IQCH: variants seen among roughly 807,000 people sequenced by gnomAD.
The protein encoded by IQCH is IQ motif containing H, also known as IQ domain-containing protein H.
In IQCH, 98 loss-of-function variants were observed where a neutral mutation model predicts 117.0. That is an observed-to-expected ratio of 0.84 (90% confidence interval 0.71 to 0.99). The LOEUF is 0.99. IQCH is among the 50% of genes least tolerant of loss of function. The probability of loss-of-function intolerance (pLI) is 0.00; values close to 1 mark genes in which losing one functional copy is unlikely to be tolerated. For missense variants in IQCH, 1,102 were observed against 1,243.8 expected, an observed-to-expected ratio of 0.89 and a Z score of 1.72; for synonymous variants, 412 against 448.2, an observed-to-expected ratio of 0.92 and a Z score of 1.02.
chr15:67,424,115 G>A lies in IQCH; in HGVS notation c.2505+2538G>A, dbSNP rs138909096. ...CCACCCTTCACTTGGCTGGTTCCAT[G>A]TACCTGGCCAGTCTTGTCTCACCCT... On this transcript the variant is annotated intron_variant, in intron 16 of 20. Transcript: ENST00000335894. The surrounding 1 kb of genome is among the most constrained non-coding windows in gnomAD (Gnocchi z 4.9). Among the ~76,000 whole-genome samples, 2 of 152,290 alleles carry A rather than the reference G, an allele frequency of 1.3e-5. No homozygotes were observed. The highest frequency in any genetic ancestry group is 2.4e-5 in the African/African-American group (1 of 41,548).
chr15:67,459,155 G>T lies in IQCH; in HGVS notation c.2506-5972G>T, dbSNP rs1358020878. Reference sequence around the variant, plus strand: ...CTGATACCAAAAGCTGGGGCCTTTAGTGGGTCATTTATCCTGTCTGAAATC... The same window carrying T: ...CTGATACCAAAAGCTGGGGCCTTTATTGGGTCATTTATCCTGTCTGAAATC... On this transcript the variant is annotated intron_variant, in intron 16 of 20. Transcript: ENST00000335894. This position sits in a 1 kb window ranked among gnomAD's most constrained non-coding sequence, Gnocchi z 4.2. Among the ~76,000 whole-genome samples, 3 of 152,170 alleles carry T rather than the reference G, an allele frequency of 2.0e-5. No individual in the cohort carries two copies. The highest frequency in any genetic ancestry group is 7.2e-5 in the African/African-American group (3 of 41,446).
chr15:67,421,906 G>A (rs1461832899), intron 16 of IQCH, among the ~76,000 whole-genome samples: 2 of 152,082 alleles, frequency 1.3e-5, no homozygotes, highest in Admixed American at 6.6e-5. Flanking sequence ...CAAGAGCAGC[G>A]TAGGCAACAT....
Position 67,395,420 on chromosome 15 carries a change from G to T in IQCH, c.1762G>T (p.Ala588Ser), listed in dbSNP as rs1468992867. 1 of 1,613,952 alleles carries T rather than the reference G, an allele frequency of 6.2e-7. No individual in the cohort carries two copies. Among genetic ancestry groups the T allele is most frequent in the African/African-American group, 1.3e-5 (1 of 74,904 alleles). The change falls in exon 13 of 21, where the codon GCC becomes TCC. Residue 588 changes from alanine to serine, a missense_variant. This residue lies in a region of IQCH where 650 missense variants were observed against 794.3 expected (regional missense o/e 0.82). Coordinates refer to ENST00000335894, the MANE Select transcript of IQCH (RefSeq NM_001031715.3). This position sits in a 1 kb window ranked among gnomAD's most constrained non-coding sequence, Gnocchi z 4.0. Reference protein sequence around the residue: ...GLLHRDDLAVADMLDIPILGS... With the variant: ...GLLHRDDLAVSDMLDIPILGS... Reference sequence around the variant, plus strand: ...CCTCCACAGAGATGATTTAGCTGTGGCCGATATGTTAGACATACCCATCCT... The same window carrying T: ...CCTCCACAGAGATGATTTAGCTGTGTCCGATATGTTAGACATACCCATCCT...
At chr15:67,446,776 T>A (rs2140980119) in intron 16 of IQCH, among the ~76,000 whole-genome samples, 1 of 152,340 alleles carries the variant, frequency 6.6e-6, no homozygotes, top group East Asian at 1.9e-4. Flanking sequence ...ACTGAAGGAC[T>A]GTATTTCTTT....
Position 67,344,104 on chromosome 15 carries a change from G to A in IQCH, c.550G>A (p.Ala184Thr), listed in dbSNP as rs200120948. The change falls in exon 6 of 21, where the codon GCA (alanine) becomes ACA (threonine). Residue 184 changes from alanine (A) to threonine (T), a missense_variant. By Grantham distance (58) the Ala-to-Thr change is moderately conservative (BLOSUM62 0). Transcript: ENST00000335894. ...AGAACGAGGGCTGATTCCACCAACA[G>A]CAAGGATTACCTTTCAGAATCCACC... ...MIERGLIPPT[A>T]RITFQNPPIT... is the part of the protein sequence containing the mutation. 1.9e-6 allele frequency: 3 copies of A among 1,613,162 alleles called. No individual in the cohort carries two copies. Among genetic ancestry groups the A allele is most frequent in the Non-Finnish European group, 2.5e-6 (3 of 1,179,280 alleles).
intron 4 of IQCH, among the ~76,000 whole-genome samples, chr15:67,301,133 A>C (rs1468462648): frequency 6.6e-6 from 1 of 152,106 alleles, no homozygotes; most frequent in Non-Finnish European, 1.5e-5. Flanking sequence ...ATTTACTAAA[A>C]ATTTCTGAAG....
At chr15:67,312,114 C>G (rs940970002) in intron 4 of IQCH, among the ~76,000 whole-genome samples, 1 of 152,110 alleles carries the variant, frequency 6.6e-6, no homozygotes, top group Non-Finnish European at 1.5e-5. Context: ...TTTCTAACCT[C>G]AAAATTAATT....
At chr15:67,276,741 A>T (rs1274781678) in intron 3 of IQCH, among the ~76,000 whole-genome samples, 1 of 152,012 alleles carries the variant, frequency 6.6e-6, no homozygotes, top group Non-Finnish European at 1.5e-5. Context: ...GGCTTCTTGC[A>T]AGATTTTCTC....
chr15:67,442,570 C>T (rs1407550502), intron 16 of IQCH, among the ~76,000 whole-genome samples: 2 of 152,106 alleles, frequency 1.3e-5, no homozygotes. Context: ...AACGCTTCTA[C>T]ACTGCTGGTG....
At chr15:67,371,624 T>A (rs1248330253) in intron 8 of IQCH, 1 of 767,614 alleles carries the variant, frequency 1.3e-6, no homozygotes, top group Non-Finnish European at 2.1e-6. Context: ...TAAAAAGTGA[T>A]GATCTTTTAT....
At chr15:67,421,179 A>C in intron 15 of IQCH, 112 bp from the exon 16 acceptor site, 2 of 811,394 alleles carry the variant, frequency 2.5e-6, no homozygotes, top group East Asian at 2.7e-5. Flanking sequence ...ATAAGTTCAG[A>C]GAATGTAAGC....
rs112008319 is a variant in IQCH at position 67,358,013 on chromosome 15, C to G, written c.714+592C>G. 4.6e-3 allele frequency among the ~76,000 whole-genome samples: 694 copies of G among 151,862 alleles called. 7 individuals carry two copies. Among genetic ancestry groups the G allele is most frequent in the African/African-American group, 0.016 (673 of 41,422 alleles). Reference sequence around the variant, plus strand: ...AGCTGGGATTACAGGTGCCTACCACCATGCCCGGCTAATTTTTGTATTTTT... The same window carrying G: ...AGCTGGGATTACAGGTGCCTACCACGATGCCCGGCTAATTTTTGTATTTTT... On this transcript the variant is annotated intron_variant, in intron 7 of 20. Coordinates refer to ENST00000335894, the MANE Select transcript of IQCH (RefSeq NM_001031715.3).
rs1160158831 is a variant in IQCH, at chr15:67,364,568, T to G, written c.753+4683T>G. The stretch of plus-strand genomic sequence containing the variant: ...TGCTTATATACAACAGAAAAAAGGT[T>G]AAATTATCAGCCAACAAGATAATCT... On this transcript the variant is annotated intron_variant, in intron 8 of 20. Transcript: ENST00000335894. This position sits in a 1 kb window ranked among gnomAD's most constrained non-coding sequence, Gnocchi z 4.1. 6.6e-6 allele frequency among the ~76,000 whole-genome samples: 1 copy of G among 152,196 alleles called. No individual in the cohort carries two copies. The highest frequency in any genetic ancestry group is 1.5e-5 in the Non-Finnish European group (1 of 68,030).
At chr15:67,498,205 T>G (rs2083878567) in intron 20 of IQCH, among the ~76,000 whole-genome samples, 1 of 152,174 alleles carries the variant, frequency 6.6e-6, no homozygotes, top group African/African-American at 2.4e-5. Flanking sequence ...CCATACATAA[T>G]GGCCAATAAT....
chr15:67,371,987 G>T, intron 8 of IQCH, 124 bp from the exon 9 acceptor site: 1 of 821,172 alleles, frequency 1.2e-6, no homozygotes, highest in East Asian at 2.6e-5. Context: ...TGTTAAATCA[G>T]TGCTAGGATT....
intron 4 of IQCH, among the ~76,000 whole-genome samples, chr15:67,294,580 C>G (rs1472036806): frequency 6.6e-6 from 1 of 152,138 alleles, no homozygotes; most frequent in Non-Finnish European, 1.5e-5. Flanking sequence ...TTCTTCCTCC[C>G]TTAAACACAG....
chr15:67,259,021 T>TATTCAATTAACATTTACGTAA (rs1414527710), intron 1 of IQCH, among the ~76,000 whole-genome samples: 1 of 152,232 alleles, frequency 6.6e-6, no homozygotes, highest in Non-Finnish European at 1.5e-5. Flanking sequence ...GGGAGCAAGT[T>TATTCAATTAACATTTACGTAA]ATTCAATTAA....
intron 16 of IQCH, among the ~76,000 whole-genome samples, chr15:67,434,252 C>A (rs1398258343): frequency 6.6e-6 from 1 of 152,092 alleles, no homozygotes; most frequent in South Asian, 2.1e-4. Flanking sequence ...ACCTTCCGAC[C>A]CCTGGTAATC....
Position 67,413,545 on chromosome 15 carries a change from G to C in IQCH, c.2098-3386G>C, listed in dbSNP as rs1171922776. The C allele has an allele frequency of 6.6e-6, 1 of 152,002 alleles. No homozygotes were observed. Among genetic ancestry groups the C allele is most frequent in the African/African-American group, 2.4e-5 (1 of 41,398 alleles). The allele number at this position is 152,002 out of a possible 1,614,324, so 9.4% of individuals were successfully genotyped here. ...AGGTCCTGCTGTATTTTTTTGGTTT[G>C]TTTTGTAGGGATAGGAAGACAATTT... On this transcript the variant is annotated intron_variant, in intron 14 of 20. Coordinates refer to ENST00000335894, the MANE Select transcript of IQCH (RefSeq NM_001031715.3). This position sits in a 1 kb window ranked among gnomAD's most constrained non-coding sequence, Gnocchi z 5.0.
Sources: allele counts gnomAD v4.1 joint callset (sites outside exome capture counted in the v4.1 genomes callset), GRCh38; gene constraint gnomAD v4.1.1; regional missense constraint gnomAD v4.1.1; non-coding constraint Gnocchi (gnomAD v3.1); transcripts MANE v1.5; gene names NCBI Gene and HGNC (gene_info 2026-07-23, HGNC 2026-07-21).